Variants in CSMD1 observed in about 807,000 individuals in gnomAD.
CSMD1 encodes CUB and Sushi multiple domains 1, also known as CUB and sushi domain-containing protein 1.
A neutral mutation model predicts 417.5 loss-of-function variants in CSMD1; 213 were observed. That is an observed-to-expected ratio of 0.51 (90% CI 0.46 to 0.57). CSMD1 has a LOEUF of 0.57. Among genes scored for constraint, CSMD1 ranks in the 20% least tolerant of loss-of-function variants. The pLI, the probability that CSMD1 is intolerant of heterozygous loss-of-function variation, is 0.00. For synonymous variants in CSMD1, 2,862 were observed against 1,736.8 expected, an observed-to-expected ratio of 1.65 and a Z score of -16.11; for missense variants, 6,923 against 4,529.7, an observed-to-expected ratio of 1.53 and a Z score of -15.17.
rs112551541 is a variant in CSMD1 at position 4,217,425 on chromosome 8, T to C, written c.416-185326A>G. 1.9e-3 allele frequency among the ~76,000 whole-genome samples: 287 copies of C among 152,272 alleles called. 2 individuals carry two copies. The highest frequency in any genetic ancestry group is 6.6e-3 in the African/African-American group (273 of 41,538). ...TAATATAGTTTGACACATTTTATAA[T>C]GGTGATATAAGACACGTTATACCAT... On this transcript the variant is annotated intron_variant, in intron 3 of 69. Coordinates refer to ENST00000635120, the MANE Select transcript of CSMD1 (RefSeq NM_033225.6).
chr8:4,376,212 CAAT>C (rs1266824464), intron 3 of CSMD1, among the ~76,000 whole-genome samples: 1 of 152,128 alleles, frequency 6.6e-6, no homozygotes, highest in Non-Finnish European at 1.5e-5. Context: ...CTCTGTTTGT[CAAT>C]AATCGTTTTT....
At chr8:4,569,989 G>A (rs915225676) in intron 2 of CSMD1, among the ~76,000 whole-genome samples, 5 of 152,276 alleles carry the variant, frequency 3.3e-5, no homozygotes, top group African/African-American at 1.2e-4. Flanking sequence ...CATTGATTTT[G>A]TATCCTGAGA....
intron 5 of CSMD1, among the ~76,000 whole-genome samples, chr8:3,875,986 G>A (rs527755694): frequency 7.3e-6 from 1 of 137,554 alleles, no homozygotes; most frequent in Non-Finnish European, 1.5e-5. Context: ...AGGGCCACAT[G>A]TCTTACATTT....
chr8:3,976,844 C>G (rs995223569), intron 5 of CSMD1, among the ~76,000 whole-genome samples: 1 of 152,156 alleles, frequency 6.6e-6, no homozygotes, highest in East Asian at 1.9e-4. Context: ...CTGCACTGAC[C>G]TCAACCACTG....
chr8:3,972,996 A>T (rs1393456282), intron 5 of CSMD1, among the ~76,000 whole-genome samples: 1 of 152,242 alleles, frequency 6.6e-6, no homozygotes, highest in Non-Finnish European at 1.5e-5. Context: ...TTACTGCTTA[A>T]ATTTTACATT....
At chr8:4,403,120 T>G (rs569605695) in intron 3 of CSMD1, among the ~76,000 whole-genome samples, 4 of 151,998 alleles carry the variant, frequency 2.6e-5, no homozygotes, top group African/African-American at 9.7e-5. Context: ...CGTGAGCCAC[T>G]GCCCCCGGCC....
chr8:3,889,090 A>C (rs536263056), intron 5 of CSMD1, among the ~76,000 whole-genome samples: 2 of 152,226 alleles, frequency 1.3e-5, no homozygotes, highest in East Asian at 3.9e-4. Context: ...CTGGTGACCA[A>C]TTCATTGGTT....
At chr8:4,187,261 A>G (rs1304901228) in intron 3 of CSMD1, among the ~76,000 whole-genome samples, 1 of 152,234 alleles carries the variant, frequency 6.6e-6, no homozygotes, top group Non-Finnish European at 1.5e-5. Context: ...CAGAGACTTA[A>G]AATGACTTTT....
At chr8:4,582,153 G>T (rs1026946758) in intron 2 of CSMD1, among the ~76,000 whole-genome samples, 1 of 151,622 alleles carries the variant, frequency 6.6e-6, no homozygotes, top group African/African-American at 2.4e-5. Context: ...ATCCTTCCCT[G>T]GCATGTCTGT....
At chr8:4,531,489 T>C (rs1796815629) in intron 2 of CSMD1, among the ~76,000 whole-genome samples, 1 of 152,070 alleles carries the variant, frequency 6.6e-6, no homozygotes, top group Admixed American at 6.5e-5. Flanking sequence ...GTCATCCCTA[T>C]AATAAGTATA....
At chr8:2,950,159 TAGC>T (rs1802527649) in intron 67 of CSMD1, 69 bp downstream of exon 67, 1 of 990,382 alleles carries the variant, frequency 1.0e-6, no homozygotes. Flanking sequence ...CTCCAATCCG[TAGC>T]CCTTGCATCT....
intron 3 of CSMD1, among the ~76,000 whole-genome samples, chr8:4,097,688 C>T (rs1360192658): frequency 1.3e-5 from 2 of 152,126 alleles, no homozygotes; most frequent in Admixed American, 6.5e-5. Flanking sequence ...TGAATTTTAG[C>T]CCTTGGAATT....
chr8:3,611,589 T>C (rs1156229300), intron 8 of CSMD1, among the ~76,000 whole-genome samples: 1 of 152,204 alleles, frequency 6.6e-6, no homozygotes, highest in Non-Finnish European at 1.5e-5. Context: ...AGTAATAAAA[T>C]TGTAATTTTC....
chr8:3,955,369 T>G (rs1172483618), intron 5 of CSMD1, among the ~76,000 whole-genome samples: 2 of 152,224 alleles, frequency 1.3e-5, no homozygotes, highest in Admixed American at 1.3e-4. Context: ...TCCCTCATCT[T>G]ACTGGTTCAG....
At chr8:3,266,654 A>C (rs1188684900) in intron 26 of CSMD1, among the ~76,000 whole-genome samples, 1 of 149,702 alleles carries the variant, frequency 6.7e-6, no homozygotes, top group Non-Finnish European at 1.5e-5. Flanking sequence ...AAGCATCTGT[A>C]ATCCCAGCTA....
intron 3 of CSMD1, among the ~76,000 whole-genome samples, chr8:4,374,464 G>C (rs1265107219): frequency 6.6e-6 from 1 of 152,106 alleles, no homozygotes; most frequent in Non-Finnish European, 1.5e-5. Flanking sequence ...CCTACGGAGT[G>C]AAAGGAAGAC....
chr8:4,306,035 T>C (rs1161862400), intron 3 of CSMD1, among the ~76,000 whole-genome samples: 2 of 152,230 alleles, frequency 1.3e-5, no homozygotes, highest in Admixed American at 6.5e-5. Flanking sequence ...GCTGTAATTA[T>C]ATTAAGTATG....
intron 7 of CSMD1, among the ~76,000 whole-genome samples, chr8:3,641,177 G>A (rs1159403638): frequency 1.3e-5 from 2 of 151,884 alleles, no homozygotes; most frequent in Non-Finnish European, 2.9e-5. Flanking sequence ...ACATGCAATG[G>A]GTGATCACTT....
intron 3 of CSMD1, among the ~76,000 whole-genome samples, chr8:4,060,430 G>T (rs915899171): frequency 2.6e-5 from 4 of 152,144 alleles, no homozygotes; most frequent in Non-Finnish European, 5.9e-5. Flanking sequence ...CATAGTGTTG[G>T]AAGTTCTGGC....
Sources: allele counts gnomAD v4.1 joint callset (sites outside exome capture counted in the v4.1 genomes callset), GRCh38; gene constraint gnomAD v4.1.1; transcripts MANE v1.5; gene names NCBI Gene and HGNC (gene_info 2026-07-23, HGNC 2026-07-21).